PCBD2: variants seen among roughly 807,000 people sequenced by gnomAD.
The protein encoded by PCBD2 is pterin-4 alpha-carbinolamine dehydratase 2, also known as pterin-4-alpha-carbinolamine dehydratase 2.
A neutral mutation model predicts 16.4 loss-of-function variants in PCBD2; 12 were observed. The observed-to-expected ratio is 0.73, with a 90% CI of 0.47 to 1.19. PCBD2 has a LOEUF of 1.19. Among genes scored for constraint, PCBD2 ranks in the 50% most tolerant of loss-of-function variants. PCBD2 has a pLI of 0.00. For synonymous variants in PCBD2, 58 were observed against 61.8 expected, an observed-to-expected ratio of 0.94 and a Z score of 0.29; for missense variants, 138 against 156.8, an observed-to-expected ratio of 0.88 and a Z score of 0.64.
At chr5:134,905,251 G>T in intron 1 of PCBD2, 28 bp downstream of exon 1, 1 of 1,222,882 alleles carries the variant, frequency 8.2e-7, no homozygotes, top group Non-Finnish European at 1.0e-6. Flanking sequence ...GCGTGGGTGG[G>T]GGTCCGGGGT....
chr5:134,913,494 G>T (rs1750793466), intron 2 of PCBD2, among the ~76,000 whole-genome samples: 1 of 152,192 alleles, frequency 6.6e-6, no homozygotes, highest in Admixed American at 6.5e-5. Context: ...AGTGTGGAGT[G>T]GAGCAGGCGA....
At chr5:134,953,754 T>C (rs945616232) in intron 2 of PCBD2, among the ~76,000 whole-genome samples, 3 of 152,088 alleles carry the variant, frequency 2.0e-5, no homozygotes, top group Non-Finnish European at 2.9e-5. Context: ...TGAGCTGAGA[T>C]TGTGCCACTG....
intron 2 of PCBD2, among the ~76,000 whole-genome samples, chr5:134,937,494 G>T (rs1423872916): frequency 2.0e-5 from 3 of 152,190 alleles, no homozygotes; most frequent in Non-Finnish European, 4.4e-5. Flanking sequence ...AGGCAAAGAA[G>T]AAAGTTACAA....
intron 2 of PCBD2, among the ~76,000 whole-genome samples, chr5:134,943,961 A>C (rs1357306181): frequency 6.6e-6 from 1 of 152,230 alleles, no homozygotes. Context: ...TGTGAAGCAG[A>C]GCTGCTTCCA....
At chr5:134,911,726 A>G (rs1338147378) in intron 2 of PCBD2, among the ~76,000 whole-genome samples, 2 of 152,176 alleles carry the variant, frequency 1.3e-5, no homozygotes, top group Non-Finnish European at 2.9e-5. Flanking sequence ...TGCATGCCCG[A>G]TTCTGTTCTC....
chr5:134,945,998 C>T (rs1181185029), intron 2 of PCBD2, among the ~76,000 whole-genome samples: 1 of 151,768 alleles, frequency 6.6e-6, no homozygotes, highest in Non-Finnish European at 1.5e-5. Context: ...GGTTTAAGTG[C>T]TAAGCTTACT....
intron 2 of PCBD2, chr5:134,927,278 CAG>C: frequency 2.5e-6 from 1 of 398,330 alleles, no homozygotes; most frequent in Non-Finnish European, 4.4e-6. Context: ...TATGTTTTGT[CAG>C]GGGGTTGAGA....
intron 2 of PCBD2, among the ~76,000 whole-genome samples, chr5:134,935,859 G>A (rs1490667853): frequency 6.6e-6 from 1 of 152,220 alleles, no homozygotes; most frequent in Non-Finnish European, 1.5e-5. Flanking sequence ...CTAGGGCAGC[G>A]TGCGTAGCCC....
At chr5:134,951,375 A>G (rs943355827) in intron 2 of PCBD2, among the ~76,000 whole-genome samples, 3 of 152,070 alleles carry the variant, frequency 2.0e-5, no homozygotes, top group Non-Finnish European at 4.4e-5. Context: ...TAATGGCTGC[A>G]TAGTATTCCA....
chr5:134,950,120 T>C (rs1473081125), intron 2 of PCBD2, among the ~76,000 whole-genome samples: 1 of 152,210 alleles, frequency 6.6e-6, no homozygotes, highest in Non-Finnish European at 1.5e-5. Flanking sequence ...AATTGTGTTT[T>C]ATAAAAGAAG....
In PCBD2 at chr5:134,959,031, C is replaced by G. The variant is rs1751444035; in HGVS notation, c.217-9C>G. ...TGTCAGTAATTACTCTTGACTTCAT[C>G]TTATGCAGGCATTTGGCTTTATGTC... is the stretch of plus-strand genomic sequence containing the variant. On this transcript the variant is annotated splice_polypyrimidine_tract_variant and intron_variant, in intron 2 of 3. Transcript: ENST00000254908. The G allele has an allele frequency of 2.5e-6, 4 of 1,611,586 alleles. No homozygotes were observed. The highest frequency in any genetic ancestry group is 3.4e-6 in the Non-Finnish European group (4 of 1,177,864).
intron 2 of PCBD2, among the ~76,000 whole-genome samples, chr5:134,940,326 G>A (rs1751210760): frequency 1.3e-5 from 2 of 152,174 alleles, no homozygotes; most frequent in South Asian, 4.1e-4. Flanking sequence ...CTCCAACCCT[G>A]TTGGTCTCCT....
At chr5:134,959,184 T>A in intron 3 of PCBD2, 64 bp downstream of exon 3, 1 of 1,194,940 alleles carries the variant, frequency 8.4e-7, no homozygotes, top group Non-Finnish European at 1.2e-6. Context: ...TCTTTCTTCC[T>A]TGTCATCTTG....
At chr5:134,951,265 A>G (rs578174668) in intron 2 of PCBD2, among the ~76,000 whole-genome samples, 1 of 152,238 alleles carries the variant, frequency 6.6e-6, no homozygotes, top group Admixed American at 6.5e-5. Context: ...TCCTTTTTAT[A>G]TGCTTCATGA....
chr5:134,956,001 T>C (rs1394843852), intron 2 of PCBD2, among the ~76,000 whole-genome samples: 9 of 152,212 alleles, frequency 5.9e-5, no homozygotes, highest in Non-Finnish European at 1.2e-4. Context: ...TTCCTTGGAG[T>C]AGTTCTTTGA....
At chr5:134,954,045 A>G (rs1319413864) in intron 2 of PCBD2, among the ~76,000 whole-genome samples, 2 of 152,020 alleles carry the variant, frequency 1.3e-5, no homozygotes, top group East Asian at 1.9e-4. Context: ...GCAGCCTCAG[A>G]TTCCTGGGCT....
chr5:134,952,443 G>A (rs1284271083), intron 2 of PCBD2, among the ~76,000 whole-genome samples: 5 of 152,160 alleles, frequency 3.3e-5, no homozygotes, highest in Admixed American at 3.3e-4. Flanking sequence ...AGAGTTTAAA[G>A]TATAGCAATT....
chr5:134,925,184 T>C (rs1429544550), intron 2 of PCBD2: 2 of 398,298 alleles, frequency 5.0e-6, no homozygotes, highest in African/African-American at 4.1e-5. Context: ...AGAAGAATTA[T>C]TCGAGTGCTA....
At chr5:134,959,218 A>G in intron 3 of PCBD2, 98 bp downstream of exon 3, 5 of 874,424 alleles carry the variant, frequency 5.7e-6, no homozygotes, top group Admixed American at 2.7e-5. Flanking sequence ...CATTGTACTT[A>G]AGAAAGTCTT....
Sources: gnomAD v4.1 joint callset for allele counts (sites outside exome capture counted in the v4.1 genomes callset) on GRCh38, gnomAD v4.1.1 for gene constraint, MANE v1.5 for transcripts, NCBI Gene and HGNC (gene_info 2026-07-23, HGNC 2026-07-21) for gene names.